Variants in PXDNL observed in about 807,000 individuals in gnomAD.
The protein encoded by PXDNL is peroxidasin like.
A neutral mutation model predicts 150.8 loss-of-function variants in PXDNL; 145 were observed. That is an observed-to-expected ratio of 0.96 (90% CI 0.84 to 1.10). The LOEUF is 1.10. Ranked by LOEUF, PXDNL falls within the 50% of genes least tolerant of loss-of-function variation. The probability of loss-of-function intolerance (pLI) is 0.00; values close to 1 mark genes in which losing one functional copy is unlikely to be tolerated. For missense variants in PXDNL, 2,087 were observed against 1,873.9 expected, an observed-to-expected ratio of 1.11 and a Z score of -2.10; for synonymous variants, 757 against 725.7, an observed-to-expected ratio of 1.04 and a Z score of -0.69.
At chr8:51,441,800 G>A (rs913214025) in intron 12 of PXDNL, among the ~76,000 whole-genome samples, 18 of 152,122 alleles carry the variant, frequency 1.2e-4, no homozygotes, top group African/African-American at 4.1e-4. Context: ...TATTAGCTGG[G>A]GTTGGTTCTA....
At chr8:51,809,153 G>C (rs374908085) in intron 1 of PXDNL, 28 bp downstream of exon 1, 1 of 1,612,032 alleles carries the variant, frequency 6.2e-7, no homozygotes, top group Non-Finnish European at 8.5e-7. Flanking sequence ...TGGGGAAGAG[G>C]GTTTCTGGGG....
intron 1 of PXDNL, among the ~76,000 whole-genome samples, chr8:51,684,611 T>C (rs1265816655): frequency 2.0e-5 from 3 of 152,232 alleles, no homozygotes; most frequent in African/African-American, 7.2e-5. Flanking sequence ...TACTAATCAG[T>C]TGACTTTGAC....
intron 2 of PXDNL, among the ~76,000 whole-genome samples, chr8:51,630,531 A>C (rs964704602): frequency 6.6e-6 from 1 of 152,150 alleles, no homozygotes; most frequent in Non-Finnish European, 1.5e-5. Flanking sequence ...TTTGCAAACT[A>C]TGCATCCAAC....
intron 19 of PXDNL, among the ~76,000 whole-genome samples, chr8:51,359,246 G>T (rs750198501): frequency 6.6e-6 from 1 of 152,096 alleles, no homozygotes; most frequent in Non-Finnish European, 1.5e-5. Context: ...AGACAGAGAT[G>T]ACAAAAGAAC....
chr8:51,809,421 T>C lies in PXDNL; in HGVS notation c.-77A>G. The C allele has an allele frequency of 7.3e-7, 1 of 1,371,926 alleles. No individual in the cohort carries two copies. The highest frequency in any genetic ancestry group is 1.5e-5 in the South Asian group (1 of 66,938). 85.0% of individuals were successfully genotyped at this position (1,371,926 alleles called of 1,614,324 possible). ...GCTGCAGCTGCAGCAGCAACCGCAG[T>C]GGTGGTGATGGTGGCTGCTGGACTG... On this transcript the variant is annotated 5_prime_UTR_variant, in exon 1 of 23. Coordinates refer to ENST00000356297, the MANE Select transcript of PXDNL (RefSeq NM_144651.5).
intron 1 of PXDNL, among the ~76,000 whole-genome samples, chr8:51,734,195 G>A (rs1469994052): frequency 6.6e-6 from 1 of 152,036 alleles, no homozygotes; most frequent in Non-Finnish European, 1.5e-5. Flanking sequence ...AGGACTTAAA[G>A]CTCCAAAATT....
chr8:51,655,853 C>T (rs1274161327), intron 1 of PXDNL, among the ~76,000 whole-genome samples: 1 of 152,076 alleles, frequency 6.6e-6, no homozygotes, highest in Non-Finnish European at 1.5e-5. Flanking sequence ...GGAATAAAGG[C>T]CCAGCAGAAA....
chr8:51,472,228 C>T lies in PXDNL; in HGVS notation c.771G>A (p.Ala257=), dbSNP rs371484904. The change falls in exon 8 of 23, where the codon GCG becomes GCA. Residue 257 remains alanine, a synonymous_variant. Coordinates refer to ENST00000356297, the MANE Select transcript of PXDNL (RefSeq NM_144651.5). The stretch of plus-strand genomic sequence containing the variant: ...TAATCTCAGGTTTGGGGTTTCCTTC[C>T]GCCCGGCAGGTGAAGTAGACGGTAT... ...SGNTVYFTCR[A]EGNPKPEIIW... is the part of the protein sequence containing the mutation. 70 of 1,613,420 alleles carry T rather than the reference C, an allele frequency of 4.3e-5. No homozygotes were observed. The highest frequency in any genetic ancestry group is 2.3e-4 in the African/African-American group (17 of 74,988).
Position 51,534,210 on chromosome 8 carries a change from G to C in PXDNL, c.380+22630C>G, listed in dbSNP as rs1811993761. On this transcript the variant is annotated intron_variant, in intron 4 of 22. Transcript: ENST00000356297. ...GGGAGGTGAGGAGCGTCTCTGCCCG[G>C]CCGCCCCGTCTGAGAAGTAAGGAAA... Among the ~76,000 whole-genome samples the C allele has an allele frequency of 2.2e-5, 3 of 138,176 alleles. 1 individual carries two copies. The highest frequency in any genetic ancestry group is 9.9e-5 in the African/African-American group (3 of 30,388). The allele number at this position is 138,176 out of a possible 152,430, so 90.6% of individuals were successfully genotyped here.
intron 19 of PXDNL, among the ~76,000 whole-genome samples, chr8:51,369,191 G>A (rs1394067849): frequency 2.0e-5 from 3 of 152,104 alleles, no homozygotes; most frequent in Admixed American, 6.5e-5. Context: ...TGGGAAATTC[G>A]CAACTTCAGG....
chr8:51,538,624 G>A (rs1235857729), intron 4 of PXDNL, among the ~76,000 whole-genome samples: 3 of 152,040 alleles, frequency 2.0e-5, no homozygotes, highest in African/African-American at 4.8e-5. Context: ...AAAATTAGGC[G>A]AGTCTGGTGG....
chr8:51,326,347 A>G (rs1805486999), intron 21 of PXDNL, among the ~76,000 whole-genome samples: 1 of 152,046 alleles, frequency 6.6e-6, no homozygotes, highest in Admixed American at 6.6e-5. Context: ...AAAATACAAA[A>G]ATTAGCCAAG....
intron 4 of PXDNL, among the ~76,000 whole-genome samples, chr8:51,538,452 C>T (rs957284851): frequency 2.6e-5 from 4 of 151,886 alleles, no homozygotes; most frequent in African/African-American, 9.7e-5. Context: ...TAAAATACAT[C>T]TGAGAATGTG....
chr8:51,632,497 G>A (rs1165524377), intron 2 of PXDNL, among the ~76,000 whole-genome samples: 1 of 152,162 alleles, frequency 6.6e-6, no homozygotes, highest in South Asian at 2.1e-4. Flanking sequence ...CAGCTACTCA[G>A]GAGGCTAAGG....
intron 1 of PXDNL, among the ~76,000 whole-genome samples, chr8:51,757,770 TC>T (rs915813160): frequency 5.3e-5 from 8 of 152,202 alleles, no homozygotes; most frequent in Non-Finnish European, 2.9e-5. Flanking sequence ...TTTCATTGTT[TC>T]AGGAATTTAA....
intron 4 of PXDNL, among the ~76,000 whole-genome samples, chr8:51,549,266 G>A (rs1477618759): frequency 1.3e-5 from 2 of 152,114 alleles, no homozygotes; most frequent in African/African-American, 4.8e-5. Context: ...CACTGGACCA[G>A]TCACCAAGAC....
At chr8:51,362,890 T>A (rs879720528) in intron 19 of PXDNL, among the ~76,000 whole-genome samples, 7 of 152,236 alleles carry the variant, frequency 4.6e-5, no homozygotes, top group Non-Finnish European at 8.8e-5. Context: ...AGTTTTTAAA[T>A]TGTTGGCAAA....
At chr8:51,583,574 T>G (rs1441753492) in intron 3 of PXDNL, among the ~76,000 whole-genome samples, 1 of 152,134 alleles carries the variant, frequency 6.6e-6, no homozygotes, top group African/African-American at 2.4e-5. Flanking sequence ...ATTAAAATAT[T>G]AAGATAGAAA....
chr8:51,391,851 C>A (rs1179958771), intron 17 of PXDNL, among the ~76,000 whole-genome samples: 1 of 152,080 alleles, frequency 6.6e-6, no homozygotes, highest in Non-Finnish European at 1.5e-5. Context: ...AGGTTTTCTT[C>A]TAGGATTTTT....
Sources: gnomAD v4.1 joint callset for allele counts (sites outside exome capture counted in the v4.1 genomes callset) on GRCh38, gnomAD v4.1.1 for gene constraint, MANE v1.5 for transcripts, NCBI Gene and HGNC (gene_info 2026-07-23, HGNC 2026-07-21) for gene names.